Variants in PREX2 observed in about 807,000 individuals in gnomAD.
PREX2 encodes phosphatidylinositol 3,4,5-trisphosphate-dependent Rac exchanger 2 protein.
In PREX2, 107 loss-of-function variants were observed where a neutral mutation model predicts 203.2. The observed-to-expected ratio is 0.53, with a 90% CI of 0.45 to 0.62. The LOEUF (loss-of-function observed/expected upper bound fraction) is 0.62, where lower values mean the gene tolerates loss of function less well. Among genes scored for constraint, PREX2 ranks in the 20% least tolerant of loss-of-function variants. The pLI is 0.00. For missense variants in PREX2, 1,777 were observed against 1,955.9 expected (o/e 0.91, Z 1.72); for synonymous variants, 672 against 663.6 (o/e 1.01, Z -0.19).
chr8:68,179,451 A>G (rs1185982372), intron 35 of PREX2, among the ~76,000 whole-genome samples: 1 of 152,154 alleles, frequency 6.6e-6, no homozygotes, highest in Non-Finnish European at 1.5e-5. Context: ...TGAAAGAGGG[A>G]GAGCAAGTTT....
intron 35 of PREX2, among the ~76,000 whole-genome samples, chr8:68,184,575 T>C (rs890184902): frequency 3.3e-5 from 5 of 152,194 alleles, no homozygotes; most frequent in African/African-American, 1.2e-4. Flanking sequence ...GTGAGAACTT[T>C]CTGTAAATGA....
At chr8:68,205,560 A>G (rs1483450649) in intron 37 of PREX2, among the ~76,000 whole-genome samples, 1 of 152,202 alleles carries the variant, frequency 6.6e-6, no homozygotes, top group Non-Finnish European at 1.5e-5. Context: ...ATTGATCACT[A>G]TTTAACAGAC....
intron 9 of PREX2, among the ~76,000 whole-genome samples, chr8:68,054,644 T>C (rs1490933430): frequency 6.6e-6 from 1 of 152,190 alleles, no homozygotes; most frequent in East Asian, 1.9e-4. Flanking sequence ...TTGGCACTGT[T>C]TTTCTCTAAC....
rs564063472 is a variant in PREX2, at chr8:68,039,890, A to C, written c.839+1598A>C. On this transcript the variant is annotated intron_variant, in intron 7 of 39. Transcript: ENST00000288368. ...GGTGACAACAGTTGTCTCCTAACTG[A>C]CCCACCATATCTTTTCTTATGCCTC... 5.9e-5 allele frequency among the ~76,000 whole-genome samples: 9 copies of C among 152,268 alleles called. No individual in the cohort carries two copies. The East Asian group carries it at 1.7e-3, about 29-fold the overall frequency.
intron 37 of PREX2, among the ~76,000 whole-genome samples, chr8:68,192,999 A>G (rs1238675554): frequency 6.6e-6 from 1 of 152,172 alleles, no homozygotes; most frequent in Non-Finnish European, 1.5e-5. Context: ...AGGAGCTCAC[A>G]CAATGTGCTA....
intron 32 of PREX2, among the ~76,000 whole-genome samples, chr8:68,137,577 A>C (rs1811137575): frequency 6.6e-6 from 1 of 152,084 alleles, no homozygotes; most frequent in African/African-American, 2.4e-5. Context: ...GACCATTGAC[A>C]TTCTTAAGGA....
intron 1 of PREX2, among the ~76,000 whole-genome samples, chr8:68,014,801 A>G (rs924681881): frequency 1.8e-4 from 28 of 152,186 alleles, no homozygotes; most frequent in African/African-American, 5.3e-4. Context: ...TCATCAGAAG[A>G]TGATCTCTGG....
At chr8:67,960,164 C>G (rs907038747) in intron 1 of PREX2, among the ~76,000 whole-genome samples, 2 of 152,128 alleles carry the variant, frequency 1.3e-5, no homozygotes, top group Non-Finnish European at 2.9e-5. Context: ...GCCTCAGCCT[C>G]CTGAGTAGCT....
chr8:68,060,274 A>G (rs1296985042), intron 10 of PREX2, among the ~76,000 whole-genome samples: 11 of 152,182 alleles, frequency 7.2e-5, no homozygotes, highest in Admixed American at 7.2e-4. Flanking sequence ...TTAGCTCTTT[A>G]TATTAAGTTA....
chr8:68,187,441 T>G (rs901334983), intron 35 of PREX2, among the ~76,000 whole-genome samples: 1 of 152,222 alleles, frequency 6.6e-6, no homozygotes, highest in African/African-American at 2.4e-5. Flanking sequence ...TCCCACTGTG[T>G]GTACTTGAGT....
In PREX2 at chr8:68,069,872, C is replaced by G; in HGVS notation, c.1481C>G (p.Thr494Ser). The change falls in exon 13 of 40, where the codon ACT becomes AGT. Residue 494 changes from threonine to serine, a missense_variant. Coordinates refer to ENST00000288368, the MANE Select transcript of PREX2 (RefSeq NM_024870.4). Reference sequence around the variant, plus strand: ...TATTGTCGTCTTCATAGCCTTTTTACTCCAGTGATAAGGTGAGTCTGGTTT... The same window carrying G: ...TATTGTCGTCTTCATAGCCTTTTTAGTCCAGTGATAAGGTGAGTCTGGTTT... ...RLYCRLHSLFTPVIRDKDYHL... is the reference protein window; with the variant it reads ...RLYCRLHSLFSPVIRDKDYHL... 1 of 1,549,572 alleles carries G rather than the reference C, an allele frequency of 6.5e-7. No individual in the cohort carries two copies. Among genetic ancestry groups the G allele is most frequent in the Non-Finnish European group, 8.8e-7 (1 of 1,131,134 alleles).
At chr8:68,004,970 T>C (rs1807051814) in intron 1 of PREX2, among the ~76,000 whole-genome samples, 1 of 152,110 alleles carries the variant, frequency 6.6e-6, no homozygotes, top group Admixed American at 6.5e-5. Flanking sequence ...CTCCCGTAAA[T>C]GGTGTTTTAA....
intron 1 of PREX2, among the ~76,000 whole-genome samples, chr8:68,011,204 G>A (rs1182812989): frequency 6.6e-6 from 1 of 152,030 alleles, no homozygotes; most frequent in Non-Finnish European, 1.5e-5. Context: ...TTATTTTTAA[G>A]TATTTTTGTT....
chr8:68,167,126 T>A (rs1243790165), intron 35 of PREX2, among the ~76,000 whole-genome samples: 1 of 152,134 alleles, frequency 6.6e-6, no homozygotes, highest in African/African-American at 2.4e-5. Flanking sequence ...TTGAATTTAC[T>A]GAGAATTTTG....
At chr8:68,202,729 G>C (rs1343443173) in intron 37 of PREX2, among the ~76,000 whole-genome samples, 2 of 152,182 alleles carry the variant, frequency 1.3e-5, no homozygotes, top group Non-Finnish European at 2.9e-5. Context: ...GGACAGAACT[G>C]ATAGGACAGA....
chr8:68,038,099 A>G, intron 6 of PREX2, 60 bp from the exon 7 acceptor site: 1 of 1,541,174 alleles, frequency 6.5e-7, no homozygotes, highest in East Asian at 2.3e-5. Flanking sequence ...GTCGAAAAAT[A>G]ATTATTTACA....
At chr8:67,977,942 C>T (rs993162471) in intron 1 of PREX2, among the ~76,000 whole-genome samples, 2 of 152,120 alleles carry the variant, frequency 1.3e-5, no homozygotes, top group Non-Finnish European at 1.5e-5. Context: ...TATAAGAAAT[C>T]GGTAAGCGTA....
intron 20 of PREX2, 123 bp from the exon 21 acceptor site, chr8:68,093,482 C>T: frequency 2.2e-6 from 1 of 454,902 alleles, no homozygotes; most frequent in Non-Finnish European, 4.1e-6. Context: ...TTAATTGTAT[C>T]TCTCTTTCAA....
At chr8:68,087,674 C>A in intron 18 of PREX2, 50 bp from the exon 19 acceptor site, 1 of 1,284,790 alleles carries the variant, frequency 7.8e-7, no homozygotes, top group Non-Finnish European at 1.1e-6. Flanking sequence ...ATTATTTCAA[C>A]CAGTTTTGAT....
Sources: gnomAD v4.1 joint callset for allele counts (sites outside exome capture counted in the v4.1 genomes callset) on GRCh38, gnomAD v4.1.1 for gene constraint, MANE v1.5 for transcripts, NCBI Gene and HGNC (gene_info 2026-07-23, HGNC 2026-07-21) for gene names.